Variants in PEAR1 observed in about 807,000 individuals in gnomAD.
PEAR1 encodes the protein platelet endothelial aggregation receptor 1.
Under a neutral mutation model 131.2 loss-of-function variants are expected in PEAR1, and 113 were observed. The observed-to-expected ratio is 0.86, with a 90% CI of 0.74 to 1.01. The LOEUF (loss-of-function observed/expected upper bound fraction) is 1.01, where lower values mean the gene tolerates loss of function less well. Ranked by LOEUF, PEAR1 falls within the 50% of genes least tolerant of loss-of-function variation. The pLI is 0.00. For missense variants in PEAR1, 1,408 were observed against 1,391.1 expected, an observed-to-expected ratio of 1.01 and a Z score of -0.19; for synonymous variants, 565 against 523.3, an observed-to-expected ratio of 1.08 and a Z score of -1.09.
rs1570965808 is a variant in PEAR1, at chr1:156,907,914, G to C, written c.766-1G>C. On this transcript the variant is annotated splice_acceptor_variant, in intron 7 of 22. Coordinates refer to ENST00000292357, the MANE Select transcript of PEAR1 (RefSeq NM_001080471.3). LOFTEE classifies it high-confidence loss of function. ...GCCCTGTTGACCTCTTATCCCCACA[G>C]GGCACCATCTGCTCCCTGCCCTGCC... 1 of 1,597,216 alleles carries C rather than the reference G, an allele frequency of 6.3e-7. No individual in the cohort carries two copies. Among genetic ancestry groups the C allele is most frequent in the African/African-American group, 1.3e-5 (1 of 74,690 alleles).
In PEAR1 at chr1:156,908,824, TACACGGTGAGGCGCGCCCGGCTGCA is replaced by T; in HGVS notation, c.1287_1290+21del. On this transcript the variant is annotated splice_donor_variant and splice_donor_5th_base_variant and coding_sequence_variant and intron_variant, in exon 10 of 23. Transcript: ENST00000292357. LOFTEE classifies it high-confidence loss of function. The surrounding 1 kb of genome is among the most constrained non-coding windows in gnomAD (Gnocchi z 4.2). Reference sequence around the variant, plus strand: ...CGGCCTCTGTCAGTGCGCGCCGGGTTACACGGTGAGGCGCGCCCGGCTGCAAGGAAGCGAGGCAGGTGGAGAGGCC... The same window carrying T: ...CGGCCTCTGTCAGTGCGCGCCGGGTTAGGAAGCGAGGCAGGTGGAGAGGCC... The T allele has an allele frequency of 1.2e-6, 2 of 1,605,670 alleles. No homozygotes were observed. The highest frequency in any genetic ancestry group is 8.5e-7 in the Non-Finnish European group (1 of 1,178,734).
chr1:156,915,473 C>T lies in PEAR1; in HGVS notation c.*675C>T, dbSNP rs1234455803. 6.6e-6 allele frequency: 1 copy of T among 152,274 alleles called. No individual in the cohort carries two copies. The highest frequency in any genetic ancestry group is 1.5e-5 in the Non-Finnish European group (1 of 68,066). The allele number at this position is 152,274 out of a possible 1,614,324, so 9.4% of individuals were successfully genotyped here. A position where few individuals can be genotyped will look rare whatever the true frequency, so the allele number is the denominator to read the frequency against. On this transcript the variant is annotated 3_prime_UTR_variant, in exon 23 of 23. Coordinates refer to ENST00000292357, the MANE Select transcript of PEAR1 (RefSeq NM_001080471.3). ...TTCCTGTCACTGCACGCCAGTCACA[C>T]CGGCCTCTAGGTCCTCCTGTAGGCC...
intron 1 of PEAR1, among the ~76,000 whole-genome samples, chr1:156,898,481 C>T (rs573876767): frequency 2.0e-5 from 3 of 152,338 alleles, no homozygotes; most frequent in Admixed American, 2.0e-4. Context: ...ATAGGCAGTG[C>T]TCTGTGCTTC....
At position 156,906,366 on chromosome 1, in the gene PEAR1, G is replaced by C; in HGVS notation, c.398G>C (p.Ser133Thr). 6.2e-7 allele frequency: 1 copy of C among 1,614,206 alleles called. No individual in the cohort carries two copies. Among genetic ancestry groups the C allele is most frequent in the Non-Finnish European group, 8.5e-7 (1 of 1,180,016 alleles). The part of the protein sequence containing the change: ...VPGWRGDDCS[S>T]ECAPGMWGPQ... ...GGCTGGCGGGGCGACGACTGTTCCA[G>C]TGGTGAGTGGCTACTGACCCCAGGG... Residue 133 changes from serine (S) to threonine (T), a missense_variant and splice_region_variant, in exon 5 of 23, where the codon AGT becomes ACT. Transcript: ENST00000292357.
rs1309142752 is a variant in PEAR1 at position 156,902,669 on chromosome 1, G to A, written c.-9-1249G>A. Among the ~76,000 whole-genome samples the A allele has an allele frequency of 3.3e-5, 5 of 152,100 alleles. No individual in the cohort carries two copies. The highest frequency in any genetic ancestry group is 2.1e-4 in the South Asian group (1 of 4,832). On this transcript the variant is annotated intron_variant, in intron 1 of 22. Coordinates refer to ENST00000292357, the MANE Select transcript of PEAR1 (RefSeq NM_001080471.3). The surrounding 1 kb of genome is among the most constrained non-coding windows in gnomAD (Gnocchi z 4.3). ...TCAGGGGGGTAAGGGGCCAGCAACC[G>A]CGACCTTTCTCTCGTCTCAGAAAAA... is the stretch of plus-strand genomic sequence containing the variant.
At position 156,904,041 on chromosome 1, in the gene PEAR1, TG is replaced by T; in HGVS notation, c.101+15del. 6.2e-7 allele frequency: 1 copy of T among 1,604,764 alleles called. No individual in the cohort carries two copies. The highest frequency in any genetic ancestry group is 1.3e-5 in the African/African-American group (1 of 74,836). ...CTTCTGGGAAAGGTGAGAGGGCCCCTGCTGCACCTTGAGGGCACCAAGCCCT... is the reference window on the plus strand; with the variant it reads ...CTTCTGGGAAAGGTGAGAGGGCCCCTCTGCACCTTGAGGGCACCAAGCCCT... On this transcript the variant is annotated intron_variant, in intron 2 of 22. Coordinates refer to ENST00000292357, the MANE Select transcript of PEAR1 (RefSeq NM_001080471.3).
chr1:156,905,458 G>A (rs1410018699), intron 4 of PEAR1, 34 bp downstream of exon 4: 3 of 1,556,802 alleles, frequency 1.9e-6, no homozygotes, highest in East Asian at 2.3e-5. Context: ...AGCGGGGTGG[G>A]GCAATGGAAT....
intron 1 of PEAR1, among the ~76,000 whole-genome samples, chr1:156,896,820 A>G (rs1390264624): frequency 3.3e-5 from 5 of 152,192 alleles, no homozygotes; most frequent in African/African-American, 7.2e-5. Context: ...CACTCATCCC[A>G]TAGGAACTTG....
chr1:156,895,597 G>A (rs1231936935), intron 1 of PEAR1, among the ~76,000 whole-genome samples: 7 of 152,288 alleles, frequency 4.6e-5, no homozygotes, highest in Admixed American at 1.3e-4. Flanking sequence ...ATATAAATAC[G>A]GAAACAGAGG....
chr1:156,911,728 A>G (rs188663309), intron 15 of PEAR1, among the ~76,000 whole-genome samples: 131 of 152,346 alleles, frequency 8.6e-4, no homozygotes, highest in African/African-American at 3.1e-3. Flanking sequence ...AAAGCCAAGT[A>G]AAACGAGTTT....
At chr1:156,906,143 T>C (rs41267435) in intron 4 of PEAR1, 133 bp from the exon 5 acceptor site, 119,249 of 725,568 alleles carry the variant, frequency 0.16, 12,959 homozygotes, top group East Asian at 0.44. Context: ...TCAGTCTTTA[T>C]CTTAGAGGCA....
At chr1:156,897,531 G>A (rs1361779853) in intron 1 of PEAR1, among the ~76,000 whole-genome samples, 2 of 152,234 alleles carry the variant, frequency 1.3e-5, no homozygotes, top group African/African-American at 4.8e-5. Context: ...CTTTGGCTGG[G>A]GTTTGGGGAG....
Position 156,904,033 on chromosome 1 carries a change from A to G in PEAR1, c.101+6A>G, listed in dbSNP as rs781169441. 2 of 1,611,056 alleles carry G rather than the reference A, an allele frequency of 1.2e-6. No homozygotes were observed. The highest frequency in any genetic ancestry group is 1.7e-5 in the Admixed American group (1 of 60,010). ...ACCTGCAGCTTCTGGGAAAGGTGAGAGGGCCCCTGCTGCACCTTGAGGGCA... is the reference window on the plus strand; with the variant it reads ...ACCTGCAGCTTCTGGGAAAGGTGAGGGGGCCCCTGCTGCACCTTGAGGGCA... On this transcript the variant is annotated splice_donor_region_variant and intron_variant, in intron 2 of 22. Coordinates refer to ENST00000292357, the MANE Select transcript of PEAR1 (RefSeq NM_001080471.3).
At chr1:156,910,822 C>T (rs1570980040) in intron 15 of PEAR1, 79 bp downstream of exon 15, 1 of 1,578,596 alleles carries the variant, frequency 6.3e-7, no homozygotes, top group East Asian at 2.2e-5. Context: ...TGTCCCCCAG[C>T]TCCTGGGTAT....
At chr1:156,912,650 C>T in intron 17 of PEAR1, 28 bp downstream of exon 17, 2 of 1,609,892 alleles carry the variant, frequency 1.2e-6, no homozygotes, top group Non-Finnish European at 1.7e-6. Context: ...TCCTTCCCAC[C>T]CATTGTCCCC....
chr1:156,911,214 T>TTTCTTTC (rs1292186716), intron 15 of PEAR1, among the ~76,000 whole-genome samples: 1 of 111,036 alleles, frequency 9.0e-6, no homozygotes, highest in African/African-American at 3.6e-5. Context: ...CTTTCTTTCT[T>TTTCTTTC]TCTTTCCTTT....
At chr1:156,903,410 T>A (rs1649882144) in intron 1 of PEAR1, among the ~76,000 whole-genome samples, 1 of 152,110 alleles carries the variant, frequency 6.6e-6, no homozygotes, top group African/African-American at 2.4e-5. Flanking sequence ...CCTCATCACT[T>A]CCCCTCACTG....
Position 156,911,220 on chromosome 1 carries a change from CCTTTCTTTCTTTCTTTT to C in PEAR1, c.1951+485_1951+501del, listed in dbSNP as rs1269653673. Among the ~76,000 whole-genome samples, 5 of 106,732 alleles carry C rather than the reference CCTTTCTTTCTTTCTTTT, an allele frequency of 4.7e-5. 1 individual carries two copies. Among genetic ancestry groups the C allele is most frequent in the African/African-American group, 1.5e-4 (4 of 26,162 alleles). 70.0% of individuals were successfully genotyped at this position (106,732 alleles called of 152,430 possible). A position where few individuals can be genotyped will look rare whatever the true frequency, so the allele number is the denominator to read the frequency against. ...CTTTCTTTTCTTTCTTTCTTTCTTT[CCTTTCTTTCTTTCTTTT>C]CTTTCTTCTTTCTTTCTTCTTTTCT... On this transcript the variant is annotated intron_variant, in intron 15 of 22. Coordinates refer to ENST00000292357, the MANE Select transcript of PEAR1 (RefSeq NM_001080471.3).
At chr1:156,903,840 G>A (rs902761302) in intron 1 of PEAR1, 78 bp from the exon 2 acceptor site, 143 of 1,214,744 alleles carry the variant, frequency 1.2e-4, no homozygotes, top group Non-Finnish European at 1.6e-4. Context: ...GCATGCCCAC[G>A]GCTCAGATCT....
Sources: allele counts gnomAD v4.1 joint callset (sites outside exome capture counted in the v4.1 genomes callset), GRCh38; gene constraint gnomAD v4.1.1; non-coding constraint Gnocchi (gnomAD v3.1); transcripts MANE v1.5; gene names NCBI Gene and HGNC (gene_info 2026-07-23, HGNC 2026-07-21).